The following MYT1 variants were observed in gnomAD, a reference collection of about 807,000 sequenced individuals.
The protein encoded by MYT1 is myelin transcription factor 1.
A neutral mutation model predicts 123.0 loss-of-function variants in MYT1; 23 were observed. The observed-to-expected ratio is 0.19, with a 90% CI of 0.13 to 0.26. The LOEUF (loss-of-function observed/expected upper bound fraction) is 0.26. MYT1 is among the 10% of genes least tolerant of loss of function. MYT1 has a pLI of 1.00. For missense variants in MYT1, 1,125 were observed against 1,472.5 expected (o/e 0.76, Z 3.86); for synonymous variants, 518 against 575.3 (o/e 0.90, Z 1.43).
intron 6 of MYT1, among the ~76,000 whole-genome samples, chr20:64,206,535 C>A (rs780096340): frequency 6.6e-6 from 1 of 152,102 alleles, no homozygotes; most frequent in Admixed American, 6.5e-5. Flanking sequence ...GCCCAAGGTC[C>A]ACTCCCCCCA....
chr20:64,212,708 G>A lies in MYT1; in HGVS notation c.1517+570G>A, dbSNP rs571069554. Among the ~76,000 whole-genome samples the A allele has an allele frequency of 6.6e-6, 1 of 152,286 alleles. No homozygotes were observed. The highest frequency in any genetic ancestry group is 2.1e-4 in the South Asian group (1 of 4,826). ...TCGGCAGGCCAGGACTGTGCTCTGGGCTGCTTTGTGGGAGTTCTGAGGCCC... is the reference window on the plus strand; with the variant it reads ...TCGGCAGGCCAGGACTGTGCTCTGGACTGCTTTGTGGGAGTTCTGAGGCCC... On this transcript the variant is annotated intron_variant, in intron 9 of 22. Coordinates refer to ENST00000328439, the MANE Select transcript of MYT1 (RefSeq NM_004535.3). This position sits in a 1 kb window ranked among gnomAD's most constrained non-coding sequence, Gnocchi z 6.8.
At chr20:64,173,115 G>A (rs894549936) in intron 1 of MYT1, among the ~76,000 whole-genome samples, 3 of 152,120 alleles carry the variant, frequency 2.0e-5, no homozygotes, top group African/African-American at 7.2e-5. Flanking sequence ...TTGCCTTTGT[G>A]TTCTCTGTGT....
At chr20:64,197,877 A>G (rs570686749) in intron 2 of MYT1, among the ~76,000 whole-genome samples, 1 of 152,334 alleles carries the variant, frequency 6.6e-6, no homozygotes, top group East Asian at 1.9e-4. Context: ...GGGGAGGGAC[A>G]CCGATAGGCT....
chr20:64,171,491 C>T (rs1006342864), intron 1 of MYT1, among the ~76,000 whole-genome samples: 2 of 152,234 alleles, frequency 1.3e-5, no homozygotes, highest in African/African-American at 4.8e-5. Context: ...GGCTGCAAAT[C>T]GCACATGCGG....
intron 2 of MYT1, among the ~76,000 whole-genome samples, chr20:64,194,741 A>G (rs1983057418): frequency 6.6e-6 from 1 of 152,090 alleles, no homozygotes; most frequent in South Asian, 2.1e-4. Context: ...GAGTGGGGAG[A>G]CGCAGCCTCT....
In MYT1 at chr20:64,237,312, G is replaced by A. The variant is rs749226505; in HGVS notation, c.3015G>A (p.Lys1005=). Residue 1005 remains lysine, a synonymous_variant, in exon 21 of 23, where the codon AAG becomes AAA. Coordinates refer to ENST00000328439, the MANE Select transcript of MYT1 (RefSeq NM_004535.3). ...SDVLENDEEI[K]QLNQEIRDLN... ...TGTTGGAGAATGATGAGGAGATCAA[G>A]CAGCTGAACCAGGAGATCCGAGACC... The A allele has an allele frequency of 1.2e-6, 2 of 1,611,334 alleles. No individual in the cohort carries two copies. Among genetic ancestry groups the A allele is most frequent in the Non-Finnish European group, 1.7e-6 (2 of 1,179,358 alleles).
intron 19 of MYT1, among the ~76,000 whole-genome samples, chr20:64,236,308 ATGGCCGCGGTGGGTGACCCTGGGC>A (rs1984540183): frequency 2.4e-3 from 183 of 75,454 alleles, no homozygotes; most frequent in East Asian, 0.017. Flanking sequence ...TGACCCTGGG[ATGGCCGCGGTGGGTGACCCTGGGC>A]TGGCCGCGGT....
Position 64,193,972 on chromosome 20 carries a change from G to A in MYT1, c.-1+3812G>A, listed in dbSNP as rs576668517. Among the ~76,000 whole-genome samples the A allele has an allele frequency of 8.5e-5, 13 of 152,200 alleles. No individual in the cohort carries two copies. In the East Asian group the frequency reaches 1.2e-3, roughly 14 times the overall value. ...TGGCCCCCGTGGTGTCAGAATGCCC[G>A]GAACCCCCCAGCTCAGCGTTCCCAC... On this transcript the variant is annotated intron_variant, in intron 2 of 22. Transcript: ENST00000328439. The surrounding 1 kb of genome is among the most constrained non-coding windows in gnomAD (Gnocchi z 4.0).
intron 1 of MYT1, among the ~76,000 whole-genome samples, chr20:64,169,410 C>T (rs1982177936): frequency 6.6e-6 from 1 of 152,212 alleles, no homozygotes; most frequent in Non-Finnish European, 1.5e-5. Flanking sequence ...TTTTTGGGTT[C>T]TGAAAATCAA....
In MYT1 at chr20:64,168,660, G is replaced by A. The variant is rs1484480976; in HGVS notation, c.-99+3921G>A. On this transcript the variant is annotated intron_variant, in intron 1 of 22. Coordinates refer to ENST00000328439, the MANE Select transcript of MYT1 (RefSeq NM_004535.3). This position sits in a 1 kb window ranked among gnomAD's most constrained non-coding sequence, Gnocchi z 6.1. ...TTCAAGAGAGTGACTTTGTGCTCTGGCAACTGAGTGTGTGGTTTGCCCTGG... is the reference window on the plus strand; with the variant it reads ...TTCAAGAGAGTGACTTTGTGCTCTGACAACTGAGTGTGTGGTTTGCCCTGG... 2.0e-5 allele frequency among the ~76,000 whole-genome samples: 3 copies of A among 152,234 alleles called. No individual in the cohort carries two copies. Among genetic ancestry groups the A allele is most frequent in the Non-Finnish European group, 4.4e-5 (3 of 68,048 alleles).
At chr20:64,173,227 T>A (rs772392423) in intron 1 of MYT1, among the ~76,000 whole-genome samples, 4 of 152,012 alleles carry the variant, frequency 2.6e-5, no homozygotes, top group African/African-American at 9.7e-5. Context: ...GGCCCATGGG[T>A]CAGCCTGGCC....
At chr20:64,195,396 G>A (rs8120401) in intron 2 of MYT1, among the ~76,000 whole-genome samples, 12,812 of 32,932 alleles carry the variant, frequency 0.39, 1,527 homozygotes, top group Middle Eastern at 0.52. Flanking sequence ...GTGTGTGTGT[G>A]TATACTTTTT....
In MYT1 at chr20:64,203,018, C is replaced by A. The variant is rs1983370795; in HGVS notation, c.87-2017C>A. On this transcript the variant is annotated intron_variant, in intron 4 of 22. Coordinates refer to ENST00000328439, the MANE Select transcript of MYT1 (RefSeq NM_004535.3). This position sits in a 1 kb window ranked among gnomAD's most constrained non-coding sequence, Gnocchi z 5.1. ...TCTGCTGGCACGACACCCTTGGAGG[C>A]CCTGGCTGGGTCTCTTGTCCACTCG... Among the ~76,000 whole-genome samples the A allele has an allele frequency of 6.6e-6, 1 of 152,256 alleles. No individual in the cohort carries two copies. The highest frequency in any genetic ancestry group is 2.4e-5 in the African/African-American group (1 of 41,474).
chr20:64,171,496 A>G (rs1982277748), intron 1 of MYT1, among the ~76,000 whole-genome samples: 2 of 152,238 alleles, frequency 1.3e-5, no homozygotes. Context: ...CAAATCGCAC[A>G]TGCGGCTTCT....
rs1378507092 is a variant in MYT1, at chr20:64,166,491, C to T, written c.-99+1752C>T. 6.6e-6 allele frequency among the ~76,000 whole-genome samples: 1 copy of T among 152,120 alleles called. No homozygotes were observed. Among genetic ancestry groups the T allele is most frequent in the South Asian group, 2.1e-4 (1 of 4,820 alleles). On this transcript the variant is annotated intron_variant, in intron 1 of 22. Transcript: ENST00000328439. The surrounding 1 kb of genome is among the most constrained non-coding windows in gnomAD (Gnocchi z 4.9). ...AGGCCTTTCTGCTCTGGAACAGCCT[C>T]GGCTCTGACCTCCTTGGGCCATGAA...
At chr20:64,236,001 C>G (rs1420818594) in intron 19 of MYT1, among the ~76,000 whole-genome samples, 7 of 104,116 alleles carry the variant, frequency 6.7e-5, no homozygotes, top group Admixed American at 9.6e-5. Flanking sequence ...CTGGGCTGGC[C>G]GCGGTGGGTG....
intron 1 of MYT1, among the ~76,000 whole-genome samples, chr20:64,180,228 C>T (rs752537443): frequency 6.6e-5 from 10 of 152,174 alleles, no homozygotes; most frequent in African/African-American, 9.7e-5. Flanking sequence ...TACAGACACA[C>T]GCCACACACA....
Position 64,240,382 on chromosome 20 carries a change from C to A in MYT1, c.3300C>A (p.Asn1100Lys). 1.2e-6 allele frequency: 2 copies of A among 1,614,058 alleles called. No individual in the cohort carries two copies. ...GCACCCTCACCGACATGTACTCCAA[C>A]CAGGACCCGGAGAACAAGGACCTCC... is the stretch of plus-strand genomic sequence containing the variant. ...YVSTLTDMYS[N>K]QDPENKDLLE... is the part of the protein sequence containing the mutation. Residue 1100 changes from asparagine (N) to lysine (K), a missense_variant, in exon 23 of 23, where the codon AAC becomes AAA. Transcript: ENST00000328439.
intron 1 of MYT1, among the ~76,000 whole-genome samples, chr20:64,179,270 A>T (rs1321181934): frequency 6.6e-6 from 1 of 152,238 alleles, no homozygotes; most frequent in Non-Finnish European, 1.5e-5. Flanking sequence ...ATTCGGTGGG[A>T]TGCCCTTCAA....
Sources: gnomAD v4.1 joint callset for allele counts (sites outside exome capture counted in the v4.1 genomes callset) on GRCh38, gnomAD v4.1.1 for gene constraint, Gnocchi (gnomAD v3.1) non-coding constraint, MANE v1.5 for transcripts, NCBI Gene and HGNC (gene_info 2026-07-23, HGNC 2026-07-21) for gene names.